FGD6: variants seen among roughly 807,000 people sequenced by gnomAD.
FGD6 encodes the protein FYVE, RhoGEF and PH domain containing 6, also known as FYVE, RhoGEF and PH domain-containing protein 6.
A neutral mutation model predicts 149.4 loss-of-function variants in FGD6; 90 were observed. That is an observed-to-expected ratio of 0.60 (90% CI 0.51 to 0.72). FGD6 has a LOEUF of 0.72. Ranked by LOEUF, FGD6 falls within the 30% of genes least tolerant of loss-of-function variation. FGD6 has a pLI of 0.00. For missense variants in FGD6, 1,437 were observed against 1,684.8 expected, an observed-to-expected ratio of 0.85 and a Z score of 2.57; for synonymous variants, 527 against 584.0, an observed-to-expected ratio of 0.90 and a Z score of 1.41.
At chr12:95,108,293 G>A in intron 11 of FGD6, 55 bp downstream of exon 11, 1 of 1,454,240 alleles carries the variant, frequency 6.9e-7, no homozygotes, top group South Asian at 1.2e-5. Context: ...AACAGATACA[G>A]ATGGTACCTA....
At chr12:95,198,956 C>T (rs949886817) in intron 2 of FGD6, among the ~76,000 whole-genome samples, 1 of 149,700 alleles carries the variant, frequency 6.7e-6, no homozygotes, top group African/African-American at 2.4e-5. Context: ...GCTGAAATCA[C>T]CATTTTAAAA....
At chr12:95,203,024 T>C (rs936021310) in intron 2 of FGD6, among the ~76,000 whole-genome samples, 9 of 152,148 alleles carry the variant, frequency 5.9e-5, no homozygotes, top group African/African-American at 2.2e-4. Context: ...ATCCTTACAT[T>C]GAAATCCAAC....
intron 6 of FGD6, among the ~76,000 whole-genome samples, chr12:95,138,896 T>C (rs999330315): frequency 1.3e-5 from 2 of 152,220 alleles, no homozygotes; most frequent in Non-Finnish European, 2.9e-5. Context: ...TTCTTGTCTA[T>C]TTATCTGGTC....
intron 8 of FGD6, 66 bp from the exon 9 acceptor site, chr12:95,113,767 T>C (rs1485469465): frequency 5.9e-6 from 6 of 1,011,556 alleles, no homozygotes; most frequent in Admixed American, 4.7e-5. Context: ...CATATCTTTC[T>C]TTTTCAATAC....
intron 8 of FGD6, among the ~76,000 whole-genome samples, chr12:95,132,900 G>C (rs1387231370): frequency 3.3e-5 from 5 of 152,188 alleles, no homozygotes; most frequent in Non-Finnish European, 7.3e-5. Flanking sequence ...TCATTTGACA[G>C]CTATGGAAAG....
intron 2 of FGD6, among the ~76,000 whole-genome samples, chr12:95,190,943 A>AC (rs1881570697): frequency 6.6e-6 from 1 of 152,168 alleles, no homozygotes; most frequent in African/African-American, 2.4e-5. Context: ...TAGACCCTTC[A>AC]CCAGAACATT....
intron 5 of FGD6, among the ~76,000 whole-genome samples, chr12:95,149,480 TCA>T (rs1436468888): frequency 7.4e-6 from 1 of 134,752 alleles, no homozygotes; most frequent in African/African-American, 2.7e-5. Context: ...ATAGTATATA[TCA>T]CATATATTAT....
At chr12:95,108,286 A>C in intron 11 of FGD6, 62 bp downstream of exon 11, 1 of 1,403,092 alleles carries the variant, frequency 7.1e-7, no homozygotes, top group Admixed American at 2.0e-5. Context: ...AATGATAAAC[A>C]GATACAGATG....
chr12:95,196,334 C>A (rs1881735363), intron 2 of FGD6, among the ~76,000 whole-genome samples: 1 of 152,124 alleles, frequency 6.6e-6, no homozygotes, highest in Non-Finnish European at 1.5e-5. Context: ...TGGTCTTGAA[C>A]TCCTGGACTC....
intron 17 of FGD6, 25 bp from the exon 18 acceptor site, chr12:95,089,721 G>A: frequency 6.2e-7 from 1 of 1,610,746 alleles, no homozygotes; most frequent in Non-Finnish European, 8.5e-7. Flanking sequence ...GCATGCTTAT[G>A]TAGGCAATGC....
At chr12:95,125,485 A>C (rs1309614269) in intron 8 of FGD6, among the ~76,000 whole-genome samples, 1 of 152,026 alleles carries the variant, frequency 6.6e-6, no homozygotes, top group Non-Finnish European at 1.5e-5. Context: ...AAATAGAAAA[A>C]ATTAGCCGGG....
At chr12:95,100,631 AACC>A (rs1878396552) in intron 14 of FGD6, 1 of 527,416 alleles carries the variant, frequency 1.9e-6, no homozygotes, top group African/African-American at 1.9e-5. Context: ...TGGGACTCTA[AACC>A]AGTGTGCACT....
chr12:95,083,385 A>G (rs1348908076), intron 20 of FGD6, among the ~76,000 whole-genome samples: 5 of 151,996 alleles, frequency 3.3e-5, no homozygotes, highest in Non-Finnish European at 7.4e-5. Context: ...TGGCATTTCT[A>G]TCTTGTCAAC....
At chr12:95,183,506 C>T (rs1190056733) in intron 2 of FGD6, among the ~76,000 whole-genome samples, 3 of 152,146 alleles carry the variant, frequency 2.0e-5, no homozygotes, top group Non-Finnish European at 4.4e-5. Flanking sequence ...ATTCCCGTAA[C>T]CCTAAGCAGA....
chr12:95,173,491 C>T (rs1346589410), intron 2 of FGD6, among the ~76,000 whole-genome samples: 1 of 152,046 alleles, frequency 6.6e-6, no homozygotes, highest in Non-Finnish European at 1.5e-5. Context: ...TTTACCAATT[C>T]CTCCTTGCCA....
chr12:95,215,491 T>C (rs1592882808), intron 1 of FGD6, among the ~76,000 whole-genome samples: 1 of 152,308 alleles, frequency 6.6e-6, no homozygotes, highest in South Asian at 2.1e-4. Context: ...TTCTCTTCCA[T>C]ATTCCCCATC....
At chr12:95,095,978 C>T (rs1032616517) in intron 14 of FGD6, among the ~76,000 whole-genome samples, 12 of 150,362 alleles carry the variant, frequency 8.0e-5, no homozygotes, top group Admixed American at 5.3e-4. Context: ...AGTGCCACTG[C>T]ACTCCAGCCT....
At chr12:95,175,858 G>C (rs552638257) in intron 2 of FGD6, among the ~76,000 whole-genome samples, 22 of 150,290 alleles carry the variant, frequency 1.5e-4, no homozygotes, top group Non-Finnish European at 2.5e-4. Context: ...TTAGGGTAAA[G>C]GGGTGAGGAG....
At chr12:95,128,754 CTGCCAG>C (rs1879424313) in intron 8 of FGD6, among the ~76,000 whole-genome samples, 1 of 152,180 alleles carries the variant, frequency 6.6e-6, no homozygotes, top group Non-Finnish European at 1.5e-5. Flanking sequence ...ACTGGGTTGT[CTGCCAG>C]TGTATATGGG....
Sources: allele counts gnomAD v4.1 joint callset (sites outside exome capture counted in the v4.1 genomes callset), GRCh38; gene constraint gnomAD v4.1.1; transcripts MANE v1.5; gene names NCBI Gene and HGNC (gene_info 2026-07-23, HGNC 2026-07-21).